The following NREP variants were observed in gnomAD, a reference collection of about 807,000 sequenced individuals.
NREP encodes neuronal regeneration related protein, also known as neuronal regeneration-related protein.
In NREP, 5 loss-of-function variants were observed where a neutral mutation model predicts 8.6. That is an observed-to-expected ratio of 0.58 (90% CI 0.30 to 1.22). The LOEUF is 1.22. Among genes scored for constraint, NREP ranks in the 50% most tolerant of loss-of-function variants. The probability of loss-of-function intolerance (pLI) is 0.07; values close to 1 mark genes in which losing one functional copy is unlikely to be tolerated. For missense variants in NREP, 86 were observed against 82.5 expected, an observed-to-expected ratio of 1.04 and a Z score of -0.17; for synonymous variants, 27 against 28.0, an observed-to-expected ratio of 0.96 and a Z score of 0.11.
At chr5:111,776,760 C>A (rs1045431666) in intron 2 of NREP, among the ~76,000 whole-genome samples, 5 of 152,142 alleles carry the variant, frequency 3.3e-5, no homozygotes, top group African/African-American at 9.7e-5. Context: ...GCAAAACTAA[C>A]TGTAGTGATA....
chr5:111,932,495 C>T (rs1755568312), intron 2 of NREP, among the ~76,000 whole-genome samples: 1 of 152,040 alleles, frequency 6.6e-6, no homozygotes, highest in Admixed American at 6.6e-5. Flanking sequence ...TATCAATGTG[C>T]AGTTAGTAGC....
intron 2 of NREP, among the ~76,000 whole-genome samples, chr5:111,894,793 C>T (rs971135891): frequency 2.0e-5 from 3 of 152,192 alleles, no homozygotes; most frequent in Non-Finnish European, 4.4e-5. Flanking sequence ...TCACCACACT[C>T]GGGTAATATC....
At position 111,802,138 on chromosome 5, in the gene NREP, G is replaced by A. The variant is rs117790065; in HGVS notation, c.136-66631C>T. Among the ~76,000 whole-genome samples the A allele has an allele frequency of 8.9e-4, 136 of 152,224 alleles. 3 individuals are homozygous for A. In the East Asian group the frequency reaches 0.02, roughly 22 times the overall value. The stretch of plus-strand genomic sequence containing the variant: ...CTATTTAAGAACCAGTACCACAGAC[G>A]GTTAGGAGAAGACTGTGCTGTTCAG... On this transcript the variant is annotated intron_variant, in intron 2 of 3. Coordinates refer to the NREP transcript ENST00000395634.
intron 2 of NREP, among the ~76,000 whole-genome samples, chr5:111,933,887 C>G (rs1010025141): frequency 2.6e-5 from 4 of 152,018 alleles, no homozygotes; most frequent in African/African-American, 9.7e-5. Flanking sequence ...GGGTCTGTAA[C>G]CAAAATGCAG....
upstream of NREP, among the ~76,000 whole-genome samples, chr5:111,761,020 G>A (rs1475234063): frequency 1.3e-5 from 2 of 152,170 alleles, no homozygotes; most frequent in African/African-American, 4.8e-5. Flanking sequence ...CTGAGTTCCA[G>A]GTGAAAGGTT....
chr5:111,758,156 C>CG, upstream of NREP: 1 of 985,570 alleles, frequency 1.0e-6, no homozygotes, highest in Non-Finnish European at 1.2e-6. Flanking sequence ...CTCCCTTCCG[C>CG]GGGGAAGCCC....
intron 2 of NREP, among the ~76,000 whole-genome samples, chr5:111,881,157 G>A (rs1408045151): frequency 6.6e-6 from 1 of 152,204 alleles, no homozygotes; most frequent in Non-Finnish European, 1.5e-5. Flanking sequence ...TTAAAAAACG[G>A]CGCACCAGGA....
intron 2 of NREP, among the ~76,000 whole-genome samples, chr5:111,802,425 C>T (rs1181759436): frequency 6.6e-6 from 1 of 152,052 alleles, no homozygotes; most frequent in East Asian, 1.9e-4. Flanking sequence ...CTGGGGAGCA[C>T]AGAATATTTC....
At chr5:111,912,752 T>C (rs1754948105) in intron 2 of NREP, 1 of 152,174 alleles carries the variant, frequency 6.6e-6, no homozygotes, top group Non-Finnish European at 1.5e-5. Context: ...TATACATCTT[T>C]GTATTCTTCA....
At chr5:111,860,766 T>C (rs956809297) in intron 2 of NREP, among the ~76,000 whole-genome samples, 1 of 152,204 alleles carries the variant, frequency 6.6e-6, no homozygotes, top group Non-Finnish European at 1.5e-5. Context: ...GGATAATTCA[T>C]ATGAAAACAC....
intron 3 of NREP, chr5:111,733,668 T>TG (rs1748825685): frequency 6.6e-6 from 1 of 152,054 alleles, no homozygotes; most frequent in African/African-American, 2.4e-5. Context: ...AGTTCATCCA[T>TG]GGGAAAAACG....
intron 2 of NREP, among the ~76,000 whole-genome samples, chr5:111,947,422 G>T (rs1261677671): frequency 5.3e-5 from 8 of 151,660 alleles, no homozygotes; most frequent in African/African-American, 1.7e-4. Flanking sequence ...AAGAGGGAGG[G>T]TATTTATTGA....
chr5:111,760,613 T>C (rs1231695901), upstream of NREP, among the ~76,000 whole-genome samples: 1 of 152,134 alleles, frequency 6.6e-6, no homozygotes, highest in Admixed American at 6.5e-5. Context: ...GAAAGTTTGC[T>C]AAGGGAGGTG....
At chr5:111,970,337 G>A (rs1245699442) in intron 2 of NREP, among the ~76,000 whole-genome samples, 1 of 152,128 alleles carries the variant, frequency 6.6e-6, no homozygotes, top group African/African-American at 2.4e-5. Flanking sequence ...ATTGGTCTGA[G>A]TGTTTTTGCT....
chr5:111,778,678 G>C (rs1751419665), intron 2 of NREP, among the ~76,000 whole-genome samples: 1 of 152,048 alleles, frequency 6.6e-6, no homozygotes, highest in South Asian at 2.1e-4. Context: ...TTACAAGTTT[G>C]TTTGTGTTTG....
At chr5:111,934,857 C>A (rs183639406) in intron 2 of NREP, among the ~76,000 whole-genome samples, 1 of 151,946 alleles carries the variant, frequency 6.6e-6, no homozygotes, top group Non-Finnish European at 1.5e-5. Context: ...GTGAGGGAGG[C>A]AATAATTCCA....
chr5:111,733,484 C>T (rs555133009), intron 3 of NREP: 1 of 151,876 alleles, frequency 6.6e-6, no homozygotes, highest in East Asian at 1.9e-4. Context: ...GATTTCAATC[C>T]ACACACCCTC....
chr5:111,938,990 C>T (rs1397515395), intron 2 of NREP, among the ~76,000 whole-genome samples: 1 of 152,064 alleles, frequency 6.6e-6, no homozygotes, highest in Non-Finnish European at 1.5e-5. Flanking sequence ...CCATCGATTA[C>T]TGGAGAGACT....
intron 2 of NREP, among the ~76,000 whole-genome samples, chr5:111,773,947 C>T (rs1464427323): frequency 6.6e-6 from 1 of 152,108 alleles, no homozygotes; most frequent in Admixed American, 6.6e-5. Context: ...ACCCTTCAAC[C>T]TGGGCTCTTA....
Sources: gnomAD v4.1 joint callset for allele counts (sites outside exome capture counted in the v4.1 genomes callset) on GRCh38, gnomAD v4.1.1 for gene constraint, MANE v1.5 for transcripts, NCBI Gene and HGNC (gene_info 2026-07-23, HGNC 2026-07-21) for gene names.